PTPRT: variants seen among roughly 807,000 people sequenced by gnomAD.
The protein encoded by PTPRT is protein tyrosine phosphatase receptor type T.
In PTPRT, 56 loss-of-function variants were observed where a neutral mutation model predicts 176.8. The ratio of observed to expected loss-of-function variants is 0.32; its 90% CI spans 0.26 to 0.40. The LOEUF is 0.40. Among genes scored for constraint, PTPRT ranks in the 10% least tolerant of loss-of-function variants. The probability of loss-of-function intolerance (pLI) is 1.00; values close to 1 mark genes in which losing one functional copy is unlikely to be tolerated. For missense variants in PTPRT, 1,540 were observed against 1,908.2 expected, an observed-to-expected ratio of 0.81 and a Z score of 3.60; for synonymous variants, 783 against 739.0, an observed-to-expected ratio of 1.06 and a Z score of -0.96.
intron 7 of PTPRT, among the ~76,000 whole-genome samples, chr20:42,535,070 A>G (rs925715069): frequency 3.9e-5 from 6 of 152,192 alleles, no homozygotes; most frequent in African/African-American, 1.2e-4. Flanking sequence ...CTGAAGTCAT[A>G]TATAGCTAGT....
chr20:42,764,705 C>T lies in PTPRT; in HGVS notation c.684+6730G>A, dbSNP rs569131721. Among the ~76,000 whole-genome samples, 7 of 152,312 alleles carry T rather than the reference C, an allele frequency of 4.6e-5. No individual in the cohort carries two copies. In the South Asian group the frequency reaches 1.0e-3, roughly 23 times the overall value. On this transcript the variant is annotated intron_variant, in intron 5 of 30. Transcript: ENST00000373187. ...TCAGTCTCCTCACCTATAAACAGGG[C>T]TACAATCACATCTAACTGAAAGACT...
chr20:42,896,910 C>T (rs764244781), intron 1 of PTPRT, among the ~76,000 whole-genome samples: 3 of 152,114 alleles, frequency 2.0e-5, no homozygotes, highest in Non-Finnish European at 2.9e-5. Flanking sequence ...TTCTTGCCCC[C>T]GGAATGAATG....
At chr20:43,073,566 A>C (rs1050325494) in intron 1 of PTPRT, among the ~76,000 whole-genome samples, 1 of 151,688 alleles carries the variant, frequency 6.6e-6, no homozygotes, top group Non-Finnish European at 1.5e-5. Context: ...ATATATATAA[A>C]TATATTAGGT....
chr20:42,427,484 G>C (rs1363827882), intron 9 of PTPRT, among the ~76,000 whole-genome samples: 1 of 150,460 alleles, frequency 6.6e-6, no homozygotes, highest in Non-Finnish European at 1.5e-5. Flanking sequence ...TCAGTGTCTA[G>C]TGAGGTTTTG....
chr20:42,771,600 C>T (rs751497288), intron 4 of PTPRT, 50 bp from the exon 5 acceptor site: 9 of 1,486,590 alleles, frequency 6.1e-6, no homozygotes, highest in Non-Finnish European at 8.5e-6. Flanking sequence ...ACAGCCTGCA[C>T]CACTTCCCTA....
intron 2 of PTPRT, among the ~76,000 whole-genome samples, chr20:42,837,425 G>C (rs370113826): frequency 6.6e-6 from 1 of 152,156 alleles, no homozygotes; most frequent in Non-Finnish European, 1.5e-5. Context: ...ACCTGCCCTA[G>C]TCCACACCTC....
intron 7 of PTPRT, among the ~76,000 whole-genome samples, chr20:42,541,544 AAT>A (rs1458268166): frequency 5.3e-3 from 7 of 1,326 alleles, no homozygotes; most frequent in African/African-American, 0.016. Flanking sequence ...AGTAAATACT[AAT>A]ACTAGTAAAT....
rs1260879919 is a variant in PTPRT, at chr20:43,170,822, C to T, written c.88+18824G>A. On this transcript the variant is annotated intron_variant, in intron 1 of 30. Coordinates refer to ENST00000373187, the MANE Select transcript of PTPRT (RefSeq NM_007050.6). The stretch of plus-strand genomic sequence containing the variant: ...ACTCCAATGCCTCTTCTCTTTCCAA[C>T]ATGTTGAGTGACCCAAGATGAGATA... Among the ~76,000 whole-genome samples the T allele has an allele frequency of 3.9e-5, 6 of 152,210 alleles. No homozygotes were observed. The East Asian group carries it at 9.6e-4, about 24-fold the overall frequency.
intron 2 of PTPRT, among the ~76,000 whole-genome samples, chr20:42,885,534 C>A (rs1408827368): frequency 6.6e-6 from 1 of 151,998 alleles, no homozygotes; most frequent in African/African-American, 2.4e-5. Flanking sequence ...CATCAGGCTC[C>A]CAAGCAAAAC....
chr20:42,475,848 T>A (rs149821782), intron 7 of PTPRT, among the ~76,000 whole-genome samples: 66 of 152,262 alleles, frequency 4.3e-4, no homozygotes, highest in Non-Finnish European at 3.5e-4. Context: ...GACAAGGATA[T>A]CGTGATCTTG....
intron 9 of PTPRT, among the ~76,000 whole-genome samples, chr20:42,386,549 G>A (rs1030512093): frequency 1.3e-4 from 20 of 152,076 alleles, no homozygotes; most frequent in African/African-American, 4.8e-4. Flanking sequence ...GGACATCTAT[G>A]GTATGCTTGA....
At chr20:42,455,613 T>A (rs1047466201) in intron 8 of PTPRT, among the ~76,000 whole-genome samples, 1 of 152,192 alleles carries the variant, frequency 6.6e-6, no homozygotes, top group East Asian at 1.9e-4. Context: ...CATTTACAAC[T>A]GTGTTACTAT....
At chr20:42,447,540 A>G (rs1352559681) in intron 9 of PTPRT, among the ~76,000 whole-genome samples, 1 of 152,128 alleles carries the variant, frequency 6.6e-6, no homozygotes, top group East Asian at 1.9e-4. Flanking sequence ...CTTGAATCTT[A>G]GCTATATCAG....
intron 2 of PTPRT, among the ~76,000 whole-genome samples, chr20:42,881,749 A>AAAG (rs2079015402): frequency 6.8e-6 from 1 of 147,714 alleles, no homozygotes; most frequent in African/African-American, 2.5e-5. Context: ...AAAAAAAAAA[A>AAAG]GAGAGAGAGA....
chr20:42,629,572 G>A (rs1293441813), intron 7 of PTPRT, among the ~76,000 whole-genome samples: 1 of 152,140 alleles, frequency 6.6e-6, no homozygotes, highest in Non-Finnish European at 1.5e-5. Flanking sequence ...CCTGGTTGGG[G>A]GAAGATATAT....
At chr20:42,228,969 T>C (rs1274015136) in intron 15 of PTPRT, among the ~76,000 whole-genome samples, 1 of 152,200 alleles carries the variant, frequency 6.6e-6, no homozygotes, top group Non-Finnish European at 1.5e-5. Context: ...GCGCTATGGA[T>C]ATGGTCCATG....
chr20:42,528,389 A>T (rs1043021516), intron 7 of PTPRT, among the ~76,000 whole-genome samples: 1 of 151,676 alleles, frequency 6.6e-6, no homozygotes, highest in African/African-American at 2.4e-5. Flanking sequence ...ATGTTCAATA[A>T]GTATGTGTGG....
At chr20:42,083,263 C>T (rs1160246928) in intron 29 of PTPRT, among the ~76,000 whole-genome samples, 2 of 152,140 alleles carry the variant, frequency 1.3e-5, no homozygotes, top group African/African-American at 2.4e-5. Context: ...CACAGGGTCT[C>T]AGGGCCTGGT....
At chr20:42,576,043 G>A (rs2073253755) in intron 7 of PTPRT, among the ~76,000 whole-genome samples, 1 of 152,130 alleles carries the variant, frequency 6.6e-6, no homozygotes, top group Non-Finnish European at 1.5e-5. Context: ...GTGGCAACCT[G>A]TCGAGACTCA....
Sources: gnomAD v4.1 joint callset for allele counts (sites outside exome capture counted in the v4.1 genomes callset) on GRCh38, gnomAD v4.1.1 for gene constraint, MANE v1.5 for transcripts, NCBI Gene and HGNC (gene_info 2026-07-23, HGNC 2026-07-21) for gene names.